Variants in CAMTA1 observed in about 807,000 individuals in gnomAD.
CAMTA1 encodes the protein calmodulin binding transcription activator 1.
Under a neutral mutation model 170.9 loss-of-function variants are expected in CAMTA1, and 27 were observed. The ratio of observed to expected loss-of-function variants is 0.16; its 90% CI spans 0.12 to 0.22. CAMTA1 has a LOEUF of 0.22. CAMTA1 is among the 10% of genes least tolerant of loss of function. CAMTA1 has a pLI of 1.00. For synonymous variants in CAMTA1, 833 were observed against 891.5 expected (o/e 0.93, Z 1.17); for missense variants, 1,619 against 2,217.2 (o/e 0.73, Z 5.42).
chr1:6,953,649 G>A (rs1226329342), intron 3 of CAMTA1, among the ~76,000 whole-genome samples: 1 of 152,178 alleles, frequency 6.6e-6, no homozygotes, highest in African/African-American at 2.4e-5. Flanking sequence ...GCCCAGAGTT[G>A]GCTTTGATTG....
At position 7,146,620 on chromosome 1, in the gene CAMTA1, C is replaced by CGACA. The variant is rs1279791582; in HGVS notation, c.302+55249_302+55250insGACA. 6.6e-6 allele frequency among the ~76,000 whole-genome samples: 1 copy of CGACA among 151,646 alleles called. No homozygotes were observed. Among genetic ancestry groups the CGACA allele is most frequent in the Non-Finnish European group, 1.5e-5 (1 of 67,906 alleles). ...ACACCAACCATCAGGTTGCCAGGAC[C>CGACA]TGTCCCCTGGGGCTGGGTCCTCACT... On this transcript the variant is annotated intron_variant, in intron 4 of 22. Coordinates refer to ENST00000303635, the MANE Select transcript of CAMTA1 (RefSeq NM_015215.4). This position sits in a 1 kb window ranked among gnomAD's most constrained non-coding sequence, Gnocchi z 4.3.
chr1:7,169,263 T>G (rs1279489105), intron 4 of CAMTA1, among the ~76,000 whole-genome samples: 1 of 152,216 alleles, frequency 6.6e-6, no homozygotes, highest in East Asian at 1.9e-4. Context: ...CATGATATTC[T>G]TGTCAGACTT....
intron 3 of CAMTA1, among the ~76,000 whole-genome samples, chr1:6,923,978 C>A (rs1682569072): frequency 6.6e-6 from 1 of 152,316 alleles, no homozygotes; most frequent in South Asian, 2.1e-4. Context: ...CGCCCAAGAC[C>A]ATTAGGCTGG....
chr1:7,108,068 T>C (rs554928324), intron 4 of CAMTA1, among the ~76,000 whole-genome samples: 1 of 152,204 alleles, frequency 6.6e-6, no homozygotes, highest in South Asian at 2.1e-4. Context: ...GCTGCTGGCA[T>C]CTGGGGTAGA....
intron 5 of CAMTA1, among the ~76,000 whole-genome samples, chr1:7,363,144 AC>A (rs536213442): frequency 1.0e-3 from 159 of 152,324 alleles, no homozygotes; most frequent in African/African-American, 3.4e-3. Flanking sequence ...CCCTTGTCTG[AC>A]CCAAGTGCTA....
chr1:7,377,967 T>C (rs984440368), intron 5 of CAMTA1, among the ~76,000 whole-genome samples: 1 of 152,154 alleles, frequency 6.6e-6, no homozygotes, highest in African/African-American at 2.4e-5. Flanking sequence ...AACCCCTCCA[T>C]GCACATTTGT....
At chr1:7,354,047 T>G (rs2084906232) in intron 5 of CAMTA1, among the ~76,000 whole-genome samples, 1 of 152,216 alleles carries the variant, frequency 6.6e-6, no homozygotes. Flanking sequence ...CTTAGGATTA[T>G]GGCCTCCAGC....
chr1:7,618,384 C>T (rs190763809), intron 6 of CAMTA1, among the ~76,000 whole-genome samples: 2 of 152,332 alleles, frequency 1.3e-5, no homozygotes, highest in Admixed American at 1.3e-4. Context: ...CCCTCTTTTC[C>T]CAATTCTATG....
chr1:7,581,256 T>C (rs144541878), intron 6 of CAMTA1, among the ~76,000 whole-genome samples: 87 of 152,322 alleles, frequency 5.7e-4, no homozygotes, highest in Non-Finnish European at 1.2e-3. Flanking sequence ...CCCAGAAACT[T>C]TTTCCTGGCA....
Position 7,414,305 on chromosome 1 carries a change from A to G in CAMTA1, c.439-53525A>G, listed in dbSNP as rs1412162505. Among the ~76,000 whole-genome samples the G allele has an allele frequency of 3.9e-5, 6 of 151,978 alleles. No individual in the cohort carries two copies. The South Asian group carries it at 8.3e-4, about 21-fold the overall frequency. ...GTTAGGGAGGATTCCCTCTTTTTCTATTGATTGGAATAGTTTCAGAAGGAA... is the reference window on the plus strand; with the variant it reads ...GTTAGGGAGGATTCCCTCTTTTTCTGTTGATTGGAATAGTTTCAGAAGGAA... On this transcript the variant is annotated intron_variant, in intron 5 of 22. Transcript: ENST00000303635.
chr1:7,710,241 CAT>C (rs1328875259), intron 11 of CAMTA1, among the ~76,000 whole-genome samples: 1 of 152,172 alleles, frequency 6.6e-6, no homozygotes, highest in Non-Finnish European at 1.5e-5. Context: ...TCATTTATCA[CAT>C]GTTTTGTAGA....
intron 5 of CAMTA1, among the ~76,000 whole-genome samples, chr1:7,346,327 T>C (rs77161171): frequency 0.036 from 5,440 of 152,316 alleles, 143 homozygotes; most frequent in Middle Eastern, 0.071. Context: ...GGGTAATCAG[T>C]GCCTAGGCAG....
intron 5 of CAMTA1, among the ~76,000 whole-genome samples, chr1:7,403,268 C>T (rs145246088): frequency 0.032 from 4,859 of 152,140 alleles, 178 homozygotes; most frequent in African/African-American, 0.087. Context: ...ACAGGAGAAT[C>T]GCTTGAACCC....
intron 4 of CAMTA1, among the ~76,000 whole-genome samples, chr1:7,191,106 T>C (rs1205268746): frequency 6.6e-6 from 1 of 152,242 alleles, no homozygotes; most frequent in Non-Finnish European, 1.5e-5. Context: ...TGTTTGGCTT[T>C]ATTTGAACAC....
intron 3 of CAMTA1, among the ~76,000 whole-genome samples, chr1:6,930,704 C>A (rs372334035): frequency 3.3e-5 from 5 of 152,186 alleles, no homozygotes; most frequent in African/African-American, 1.2e-4. Context: ...TCTTGGGGAG[C>A]AAGGGACCAT....
intron 4 of CAMTA1, among the ~76,000 whole-genome samples, chr1:7,107,703 A>C (rs1010840748): frequency 5.9e-5 from 9 of 152,130 alleles, no homozygotes; most frequent in African/African-American, 2.2e-4. Context: ...TGTCTCTCCC[A>C]GATCTGCTCC....
intron 5 of CAMTA1, among the ~76,000 whole-genome samples, chr1:7,372,311 T>C (rs2086533962): frequency 6.6e-6 from 1 of 152,218 alleles, no homozygotes; most frequent in East Asian, 1.9e-4. Flanking sequence ...TTGATGCCAA[T>C]AAGCACAAAT....
chr1:7,125,382 G>A (rs1000251970), intron 4 of CAMTA1, among the ~76,000 whole-genome samples: 1 of 152,198 alleles, frequency 6.6e-6, no homozygotes, highest in African/African-American at 2.4e-5. Flanking sequence ...GGGTGATGGG[G>A]AGACAGAAGT....
At chr1:7,654,114 C>T (rs2095864129) in intron 7 of CAMTA1, among the ~76,000 whole-genome samples, 1 of 152,070 alleles carries the variant, frequency 6.6e-6, no homozygotes, top group South Asian at 2.1e-4. Context: ...GGCGTGGTGG[C>T]TCACACCTGT....
Sources: allele counts gnomAD v4.1 joint callset (sites outside exome capture counted in the v4.1 genomes callset), GRCh38; gene constraint gnomAD v4.1.1; non-coding constraint Gnocchi (gnomAD v3.1); transcripts MANE v1.5; gene names NCBI Gene and HGNC (gene_info 2026-07-23, HGNC 2026-07-21).